The following CXADR variants were observed in gnomAD, a reference collection of about 807,000 sequenced individuals.
CXADR encodes coxsackievirus and adenovirus receptor.
In CXADR, 20 loss-of-function variants were observed where a neutral mutation model predicts 40.3. The ratio of observed to expected loss-of-function variants is 0.50; its 90% CI spans 0.35 to 0.72. The LOEUF (loss-of-function observed/expected upper bound fraction) is 0.72. CXADR is among the 30% of genes least tolerant of loss of function. The pLI, the probability that CXADR is intolerant of heterozygous loss-of-function variation, is 0.01. For synonymous variants in CXADR, 150 were observed against 161.3 expected (o/e 0.93, Z 0.53); for missense variants, 332 against 449.1 (o/e 0.74, Z 2.36).
intron 1 of CXADR, among the ~76,000 whole-genome samples, chr21:17,525,683 A>C (rs2123139657): frequency 6.6e-6 from 1 of 152,342 alleles, no homozygotes; most frequent in South Asian, 2.1e-4. Flanking sequence ...GAAATCTGAT[A>C]CTTCTAGAAT....
At chr21:17,515,360 T>A (rs211951) in intron 1 of CXADR, among the ~76,000 whole-genome samples, 124,346 of 151,910 alleles carry the variant, frequency 0.82, 50,976 homozygotes, top group Admixed American at 0.83. Flanking sequence ...AGATGGGAGG[T>A]TTGCCGGAGC....
the CXADR span, among the ~76,000 whole-genome samples, chr21:17,608,304 T>C: frequency 6.6e-6 from 1 of 152,014 alleles, no homozygotes; most frequent in African/African-American, 2.4e-5. Context: ...GCCCAGGAGT[T>C]TGAGGCTGCA....
At chr21:17,587,309 G>C (rs1376919020) in intron 7 of CXADR, among the ~76,000 whole-genome samples, 1 of 151,986 alleles carries the variant, frequency 6.6e-6, no homozygotes, top group East Asian at 1.9e-4. Flanking sequence ...CTGAGGAATC[G>C]CCACACTGAC....
At chr21:17,622,714 C>G in the CXADR span, among the ~76,000 whole-genome samples, 1 of 152,080 alleles carries the variant, frequency 6.6e-6, no homozygotes, top group South Asian at 2.1e-4. Flanking sequence ...ATTGGTGACT[C>G]TATTTTGTTT....
chr21:17,545,781 G>GTTT (rs72153877), intron 1 of CXADR, among the ~76,000 whole-genome samples: 2 of 120,686 alleles, frequency 1.7e-5, no homozygotes, highest in Admixed American at 8.1e-5. Flanking sequence ...GGTTTTTTTT[G>GTTT]TTTTTTTTTT....
chr21:17,592,128 T>C (rs1461059532), intron 7 of CXADR, among the ~76,000 whole-genome samples: 1 of 151,886 alleles, frequency 6.6e-6, no homozygotes, highest in African/African-American at 2.4e-5. Context: ...ATTAAGGAGA[T>C]TTTGTAGTAA....
chr21:17,577,059 T>A (rs1313888390), intron 7 of CXADR, among the ~76,000 whole-genome samples: 3 of 152,186 alleles, frequency 2.0e-5, no homozygotes, highest in Non-Finnish European at 4.4e-5. Context: ...TGCTATAATG[T>A]GTGACATCAT....
rs752965507 is a variant in CXADR, at chr21:17,565,715, G to C, written c.*23G>C. 1.4e-5 allele frequency: 22 copies of C among 1,601,746 alleles called. No homozygotes were observed. Among genetic ancestry groups the C allele is most frequent in the Non-Finnish European group, 1.7e-5 (20 of 1,173,178 alleles). On this transcript the variant is annotated 3_prime_UTR_variant, in exon 7 of 7. Transcript: ENST00000284878. The stretch of plus-strand genomic sequence containing the variant: ...TAGAGCCTCCATATGTCTCATCTGT[G>C]CTCTCCGTGTTCCTTTCCTTTTTTT...
In CXADR at chr21:17,567,862, C is replaced by CT. The variant is rs11418205; in HGVS notation, c.*2181dup. On this transcript the variant is annotated 3_prime_UTR_variant, in exon 7 of 7. Coordinates refer to ENST00000284878, the MANE Select transcript of CXADR (RefSeq NM_001338.5). ...GTGGACACGTATAAGACTTTCCTTC[C>CT]TTTTTTTTTTTAATAACATATGAGG... is the stretch of plus-strand genomic sequence containing the variant. The CT allele has an allele frequency of 0.48, 389,534 of 806,754 alleles. 50,735 individuals are homozygous for CT. The highest frequency in any genetic ancestry group is 0.59 in the Admixed American group (9,037 of 15,382). 50.0% of individuals were successfully genotyped at this position (806,754 alleles called of 1,614,324 possible).
At chr21:17,524,824 A>G (rs887534509) in intron 1 of CXADR, among the ~76,000 whole-genome samples, 1 of 149,430 alleles carries the variant, frequency 6.7e-6, no homozygotes, top group South Asian at 2.2e-4. Context: ...TAGGAGAATC[A>G]CTTGAGCCCA....
chr21:17,543,209 GT>G (rs1371508107), intron 1 of CXADR, among the ~76,000 whole-genome samples: 1 of 152,124 alleles, frequency 6.6e-6, no homozygotes, highest in Non-Finnish European at 1.5e-5. Context: ...ATTCTCAAAA[GT>G]AGTTGCTGTT....
At chr21:17,557,640 A>G (rs186510340) in intron 3 of CXADR, among the ~76,000 whole-genome samples, 1 of 152,354 alleles carries the variant, frequency 6.6e-6, no homozygotes, top group Admixed American at 6.5e-5. Context: ...TAGTCCATTG[A>G]AATACTAAAA....
intron 1 of CXADR, among the ~76,000 whole-genome samples, chr21:17,519,245 G>T (rs1158564620): frequency 6.6e-6 from 1 of 152,166 alleles, no homozygotes; most frequent in Admixed American, 6.5e-5. Context: ...TATATTCATT[G>T]TTGCAGTCCC....
the CXADR span, among the ~76,000 whole-genome samples, chr21:17,628,228 A>G: frequency 6.6e-6 from 1 of 152,228 alleles, no homozygotes; most frequent in Non-Finnish European, 1.5e-5. Flanking sequence ...CCAGAGAAAC[A>G]GAACCAATAA....
chr21:17,608,997 T>C, the CXADR span: 1 of 1,613,688 alleles, frequency 6.2e-7, no homozygotes, highest in South Asian at 1.1e-5. Flanking sequence ...TTCGATGGTT[T>C]TTCTGGATAC....
chr21:17,554,177 G>A (rs933611723), intron 3 of CXADR, among the ~76,000 whole-genome samples: 2 of 152,186 alleles, frequency 1.3e-5, no homozygotes, highest in African/African-American at 4.8e-5. Flanking sequence ...ATGTTTGTGT[G>A]TTTGTGTATT....
downstream of CXADR, chr21:17,594,260 C>T: frequency 6.2e-7 from 1 of 1,613,266 alleles, no homozygotes; most frequent in Non-Finnish European, 8.5e-7. Flanking sequence ...TGGCCATTCC[C>T]TCGATACATT....
At chr21:17,530,114 A>ATTTTTTTTTTTTTTTTTTTTTTTT (rs56341807) in intron 1 of CXADR, among the ~76,000 whole-genome samples, 5 of 94,978 alleles carry the variant, frequency 5.3e-5, no homozygotes, top group Non-Finnish European at 7.7e-5. Flanking sequence ...ATGCCAGGCT[A>ATTTTTTTTTTTTTTTTTTTTTTTT]TTTTTTTTTT....
At chr21:17,536,609 C>T (rs1259481101) in intron 1 of CXADR, among the ~76,000 whole-genome samples, 1 of 152,092 alleles carries the variant, frequency 6.6e-6, no homozygotes, top group African/African-American at 2.4e-5. Context: ...AGAGGAAGCA[C>T]GTTCACTTCC....
Sources: gnomAD v4.1 joint callset for allele counts (sites outside exome capture counted in the v4.1 genomes callset) on GRCh38, gnomAD v4.1.1 for gene constraint, MANE v1.5 for transcripts, NCBI Gene and HGNC (gene_info 2026-07-23, HGNC 2026-07-21) for gene names.